The following CACNA1D variants were observed in gnomAD, a reference collection of about 807,000 sequenced individuals.
CACNA1D encodes the protein voltage-dependent L-type calcium channel subunit alpha-1D.
Under a neutral mutation model 257.1 loss-of-function variants are expected in CACNA1D, and 55 were observed. The ratio of observed to expected loss-of-function variants is 0.21; its 90% CI spans 0.17 to 0.27. The LOEUF is 0.27. Among genes scored for constraint, CACNA1D ranks in the 10% least tolerant of loss-of-function variants. CACNA1D has a pLI of 1.00. For synonymous variants in CACNA1D, 980 were observed against 1,014.9 expected, an observed-to-expected ratio of 0.97 and a Z score of 0.65; for missense variants, 1,876 against 2,784.0, an observed-to-expected ratio of 0.67 and a Z score of 7.34.
chr3:53,744,898 C>A, intron 23 of CACNA1D, 71 bp downstream of exon 23: 1 of 847,836 alleles, frequency 1.2e-6, no homozygotes, highest in Non-Finnish European at 2.1e-6. Flanking sequence ...CTCTTCTGGG[C>A]AGAGCTGAGC....
chr3:53,722,471 C>G lies in CACNA1D; in HGVS notation c.1663C>G (p.Gln555Glu). The G allele has an allele frequency of 6.2e-7, 1 of 1,614,094 alleles. No homozygotes were observed. The highest frequency in any genetic ancestry group is 8.5e-7 in the Non-Finnish European group (1 of 1,179,998). ...YNQPDWLTQI[Q>E]DIANKVLLAL... is the part of the protein sequence containing the mutation. ...TCAGCCAGATTGGTTGACACAGATT[C>G]AAGGTACAAGCAGAGGCCATTCCTT... is the stretch of plus-strand genomic sequence containing the variant. Residue 555 changes from glutamine to glutamate, a missense_variant, in exon 12 of 48, where the codon CAA (glutamine) becomes GAA (glutamate). Gln to Glu is a conservative substitution (Grantham distance 29). Transcript: ENST00000350061.
intron 3 of CACNA1D, among the ~76,000 whole-genome samples, chr3:53,645,639 T>C (rs761943812): frequency 6.6e-6 from 1 of 152,238 alleles, no homozygotes; most frequent in Non-Finnish European, 1.5e-5. Flanking sequence ...TGCCTGGATT[T>C]ATTTCTTGGC....
At chr3:53,810,423 A>G in intron 47 of CACNA1D, 125 bp downstream of exon 47, 1 of 887,232 alleles carries the variant, frequency 1.1e-6, no homozygotes, top group Non-Finnish European at 1.9e-6. Flanking sequence ...TCAATCAGAC[A>G]CTTCTGAGCA....
At chr3:53,703,564 C>G (rs1307651999) in intron 9 of CACNA1D, among the ~76,000 whole-genome samples, 1 of 152,226 alleles carries the variant, frequency 6.6e-6, no homozygotes, top group Admixed American at 6.5e-5. Context: ...AGAGTGGAAA[C>G]TGGAATCCAG....
chr3:53,662,905 G>T (rs1485854945), intron 5 of CACNA1D, among the ~76,000 whole-genome samples: 1 of 152,190 alleles, frequency 6.6e-6, no homozygotes, highest in Admixed American at 6.5e-5. Flanking sequence ...TGGCCCATTG[G>T]TGTCTCAAGA....
chr3:53,760,919 A>G (rs774255365), intron 29 of CACNA1D, among the ~76,000 whole-genome samples: 1 of 152,192 alleles, frequency 6.6e-6, no homozygotes, highest in Non-Finnish European at 1.5e-5. Flanking sequence ...CAGCACAGTC[A>G]TCATCCTTCA....
chr3:53,528,557 A>G (rs1453091715), intron 3 of CACNA1D, among the ~76,000 whole-genome samples: 3 of 152,158 alleles, frequency 2.0e-5, no homozygotes, highest in African/African-American at 4.8e-5. Context: ...TTAACTTGTC[A>G]ATTTCTATAA....
intron 26 of CACNA1D, among the ~76,000 whole-genome samples, chr3:53,748,704 G>A (rs1230958220): frequency 3.9e-5 from 6 of 152,208 alleles, no homozygotes; most frequent in Non-Finnish European, 4.4e-5. Context: ...AGGATTAAGG[G>A]AGAGGCTGTG....
intron 9 of CACNA1D, among the ~76,000 whole-genome samples, chr3:53,715,990 C>G (rs532711965): frequency 6.6e-6 from 1 of 152,310 alleles, no homozygotes; most frequent in East Asian, 1.9e-4. Flanking sequence ...CTGTTTCAAT[C>G]AGATTGTTTT....
chr3:53,672,889 G>T, intron 7 of CACNA1D, 134 bp from the exon 8 acceptor site: 24 of 527,862 alleles, frequency 4.5e-5, no homozygotes, highest in East Asian at 1.7e-4. Context: ...CTCTGATTTG[G>T]CTACTGTTGT....
chr3:53,718,734 C>T (rs776947277), intron 10 of CACNA1D: 26 of 1,555,224 alleles, frequency 1.7e-5, no homozygotes, highest in East Asian at 4.8e-5. Flanking sequence ...TGGGTGTCGG[C>T]GGTGGGGGTA....
intron 3 of CACNA1D, among the ~76,000 whole-genome samples, chr3:53,537,465 A>G (rs978364909): frequency 1.3e-5 from 2 of 152,186 alleles, no homozygotes; most frequent in Non-Finnish European, 2.9e-5. Context: ...TCTCAGGTAT[A>G]TCATTTTATC....
chr3:53,533,052 C>A (rs1365341411), intron 3 of CACNA1D, among the ~76,000 whole-genome samples: 1 of 152,178 alleles, frequency 6.6e-6, no homozygotes, highest in East Asian at 1.9e-4. Flanking sequence ...TTTGCTAGAT[C>A]AAACTTCTTT....
chr3:53,740,693 G>A (rs183047277), intron 21 of CACNA1D, among the ~76,000 whole-genome samples: 42 of 151,476 alleles, frequency 2.8e-4, no homozygotes, highest in African/African-American at 9.7e-4. Flanking sequence ...GCATGTAGGA[G>A]CCACTCTGGC....
chr3:53,637,713 G>A (rs1338683289), intron 3 of CACNA1D, among the ~76,000 whole-genome samples: 1 of 152,160 alleles, frequency 6.6e-6, no homozygotes, highest in Non-Finnish European at 1.5e-5. Context: ...GCAGGTCAGT[G>A]CAAGTGACAT....
chr3:53,642,472 G>A (rs1559456998), intron 3 of CACNA1D, among the ~76,000 whole-genome samples: 1 of 152,346 alleles, frequency 6.6e-6, no homozygotes, highest in Non-Finnish European at 1.5e-5. Context: ...AGCAGTTCCT[G>A]GGGGAAGGTC....
chr3:53,764,937 T>C (rs984242638), intron 30 of CACNA1D, among the ~76,000 whole-genome samples: 3 of 152,184 alleles, frequency 2.0e-5, no homozygotes, highest in Admixed American at 2.0e-4. Flanking sequence ...AGACCAGATA[T>C]ATTCCTCAGC....
rs914723459 is a variant in CACNA1D, at chr3:53,813,194, C to T, written c.*1788C>T. ...ACTTTGTTATGAAGACCTTACAAAC[C>T]TCTTCTTAAGACATTCTTACTCTGA... On this transcript the variant is annotated 3_prime_UTR_variant, in exon 48 of 48. Transcript: ENST00000350061. The T allele has an allele frequency of 2.0e-5, 3 of 147,190 alleles. No individual in the cohort carries two copies. Among genetic ancestry groups the T allele is most frequent in the African/African-American group, 7.6e-5 (3 of 39,694 alleles). The allele number at this position is 147,190 out of a possible 1,614,324, so 9.1% of individuals were successfully genotyped here.
intron 29 of CACNA1D, among the ~76,000 whole-genome samples, chr3:53,760,384 C>T (rs1472817058): frequency 1.3e-5 from 2 of 152,150 alleles, no homozygotes; most frequent in Non-Finnish European, 2.9e-5. Context: ...CCTGACACCT[C>T]AAAGTACTTT....
Sources: gnomAD v4.1 joint callset for allele counts (sites outside exome capture counted in the v4.1 genomes callset) on GRCh38, gnomAD v4.1.1 for gene constraint, MANE v1.5 for transcripts, NCBI Gene and HGNC (gene_info 2026-07-23, HGNC 2026-07-21) for gene names.